PSD3: variants seen among roughly 807,000 people sequenced by gnomAD.
PSD3 encodes the protein PH and SEC7 domain-containing protein 3.
Under a neutral mutation model 105.5 loss-of-function variants are expected in PSD3, and 49 were observed. The ratio of observed to expected loss-of-function variants is 0.46; its 90% CI spans 0.37 to 0.59. PSD3 has a LOEUF of 0.59. Ranked by LOEUF, PSD3 falls within the 20% of genes least tolerant of loss-of-function variation. PSD3 has a pLI of 0.00. For missense variants in PSD3, 1,561 were observed against 1,263.8 expected (o/e 1.24, Z -3.57); for synonymous variants, 557 against 457.8 (o/e 1.22, Z -2.77).
intron 2 of PSD3, among the ~76,000 whole-genome samples, chr8:18,897,058 G>C (rs568729597): frequency 6.6e-6 from 1 of 151,360 alleles, no homozygotes; most frequent in Non-Finnish European, 1.5e-5. Context: ...CCGCCCACCT[G>C]AGCCTCCCAA....
upstream of PSD3, among the ~76,000 whole-genome samples, chr8:19,016,372 GA>G (rs1458587174): frequency 3.3e-5 from 5 of 152,168 alleles, no homozygotes; most frequent in Non-Finnish European, 7.3e-5. Flanking sequence ...GTCAAAAGAA[GA>G]AAAGGAAGAT....
At chr8:18,871,401 T>C (rs1389348388) in intron 3 of PSD3, among the ~76,000 whole-genome samples, 1 of 152,244 alleles carries the variant, frequency 6.6e-6, no homozygotes, top group African/African-American at 2.4e-5. Flanking sequence ...TCTGTTTCCC[T>C]GGTCCATGCC....
At chr8:18,900,777 C>T (rs1200733366) in intron 2 of PSD3, among the ~76,000 whole-genome samples, 3 of 150,844 alleles carry the variant, frequency 2.0e-5, no homozygotes, top group African/African-American at 4.9e-5. Context: ...GTAGCTGAGA[C>T]TACAGGTGTG....
intron 8 of PSD3, among the ~76,000 whole-genome samples, chr8:18,787,266 A>G (rs1415430227): frequency 1.3e-5 from 2 of 152,208 alleles, no homozygotes; most frequent in Non-Finnish European, 2.9e-5. Flanking sequence ...AAGTACTTTA[A>G]TAATACTTTT....
chr8:18,949,279 T>TATATA lies in PSD3; in HGVS notation c.22-13138_22-13137insTATAT, dbSNP rs1563453978. On this transcript the variant is annotated intron_variant, in intron 1 of 15. Coordinates refer to ENST00000327040, the MANE Select transcript of PSD3 (RefSeq NM_015310.4). ...TATATATATATATATATATATATATTTATAGTTTTCTTCTCTTCCAAGGAG... is the reference window on the plus strand; with the variant it reads ...TATATATATATATATATATATATATTATATATATAGTTTTCTTCTCTTCCAAGGAG... Among the ~76,000 whole-genome samples the TATATA allele has an allele frequency of 1.4e-3, 110 of 78,154 alleles. 5 individuals are homozygous for TATATA. Among genetic ancestry groups the TATATA allele is most frequent in the Non-Finnish European group, 2.8e-3 (92 of 32,644 alleles). The allele number at this position is 78,154 out of a possible 152,430, so 51.3% of individuals were successfully genotyped here.
chr8:18,544,572 G>A (rs1800347538), intron 15 of PSD3, among the ~76,000 whole-genome samples: 2 of 152,038 alleles, frequency 1.3e-5, no homozygotes, highest in Admixed American at 1.3e-4. Context: ...AAGAAAGTGT[G>A]AATTCCGTTC....
chr8:19,049,011 CTCTT>C (rs1171074676), intron 1 of PSD3, among the ~76,000 whole-genome samples: 1 of 152,194 alleles, frequency 6.6e-6, no homozygotes, highest in South Asian at 2.1e-4. Flanking sequence ...GTGTCCTAAT[CTCTT>C]TATAAGAACA....
intron 1 of PSD3, among the ~76,000 whole-genome samples, chr8:19,031,195 A>G (rs535573234): frequency 6.6e-6 from 1 of 152,294 alleles, no homozygotes; most frequent in Admixed American, 6.5e-5. Context: ...TCACCAACAT[A>G]TTTTGTCAAG....
intron 1 of PSD3, among the ~76,000 whole-genome samples, chr8:18,945,357 AG>A (rs1224670813): frequency 6.6e-6 from 1 of 152,226 alleles, no homozygotes; most frequent in African/African-American, 2.4e-5. Flanking sequence ...AGCATAGAAA[AG>A]TAGAGCCAGA....
intron 15 of PSD3, among the ~76,000 whole-genome samples, chr8:18,537,153 G>T (rs932024403): frequency 3.3e-5 from 5 of 152,196 alleles, no homozygotes; most frequent in African/African-American, 1.2e-4. Context: ...CAAGTGGGGT[G>T]TGAGCGCTGG....
intron 4 of PSD3, among the ~76,000 whole-genome samples, chr8:18,817,888 A>C (rs1209652343): frequency 1.3e-5 from 2 of 152,210 alleles, no homozygotes; most frequent in Non-Finnish European, 2.9e-5. Flanking sequence ...TTCAGCTCTT[A>C]ATATCTAACC....
At chr8:18,547,937 AT>A (rs1293257443) in intron 15 of PSD3, among the ~76,000 whole-genome samples, 49 of 152,230 alleles carry the variant, frequency 3.2e-4, no homozygotes, top group African/African-American at 1.1e-3. Flanking sequence ...TGATGCAGCA[AT>A]TGGCTCTGTT....
At chr8:18,758,889 A>C (rs1806278150) in intron 9 of PSD3, among the ~76,000 whole-genome samples, 1 of 152,274 alleles carries the variant, frequency 6.6e-6, no homozygotes, top group East Asian at 1.9e-4. Flanking sequence ...AATCTTGCCT[A>C]AACTCTGTCC....
intron 15 of PSD3, among the ~76,000 whole-genome samples, chr8:18,549,441 C>G (rs907066736): frequency 5.9e-5 from 9 of 152,170 alleles, no homozygotes; most frequent in Non-Finnish European, 1.0e-4. Flanking sequence ...CTCCCGACCT[C>G]AGGTGATCCA....
intron 4 of PSD3, among the ~76,000 whole-genome samples, chr8:18,828,067 A>ATATATATATATATATT (rs371473289): frequency 2.5e-5 from 3 of 118,896 alleles, no homozygotes; most frequent in African/African-American, 1.1e-4. Context: ...ATATATATAT[A>ATATATATATATATATT]TTTTTTTTTT....
At chr8:18,603,542 C>T (rs890503496) in intron 11 of PSD3, among the ~76,000 whole-genome samples, 2 of 152,086 alleles carry the variant, frequency 1.3e-5, no homozygotes, top group African/African-American at 4.8e-5. Context: ...TTGATAACTG[C>T]TTTTTCTTAT....
chr8:18,897,383 T>G (rs963939586), intron 2 of PSD3, among the ~76,000 whole-genome samples: 12 of 152,224 alleles, frequency 7.9e-5, no homozygotes, highest in African/African-American at 2.9e-4. Flanking sequence ...TATCTGTTTT[T>G]ATGACAGTAC....
At chr8:18,631,413 G>C (rs1193359098) in intron 11 of PSD3, among the ~76,000 whole-genome samples, 1 of 151,942 alleles carries the variant, frequency 6.6e-6, no homozygotes, top group African/African-American at 2.4e-5. Context: ...TAAATGAGAA[G>C]TTAGGGAAGA....
chr8:18,587,125 C>T (rs897404122), intron 12 of PSD3, among the ~76,000 whole-genome samples: 3 of 152,158 alleles, frequency 2.0e-5, no homozygotes, highest in African/African-American at 7.2e-5. Context: ...TTCTGCTATA[C>T]TGGAATCCTA....
Sources: allele counts gnomAD v4.1 joint callset (sites outside exome capture counted in the v4.1 genomes callset), GRCh38; gene constraint gnomAD v4.1.1; transcripts MANE v1.5; gene names NCBI Gene and HGNC (gene_info 2026-07-23, HGNC 2026-07-21).